IL23R: variants seen among roughly 807,000 people sequenced by gnomAD.
IL23R encodes the protein interleukin 23 receptor.
In IL23R, 34 loss-of-function variants were observed where a neutral mutation model predicts 56.9. That is an observed-to-expected ratio of 0.60 (90% CI 0.45 to 0.80). The LOEUF is 0.80. IL23R is among the 30% of genes least tolerant of loss of function. The pLI is 0.00. For missense variants in IL23R, 635 were observed against 730.0 expected (o/e 0.87, Z 1.50); for synonymous variants, 230 against 249.2 (o/e 0.92, Z 0.73).
At chr1:67,199,345 C>A (rs61780313) in intron 4 of IL23R, among the ~76,000 whole-genome samples, 5 of 152,100 alleles carry the variant, frequency 3.3e-5, no homozygotes, top group Non-Finnish European at 5.9e-5. Context: ...TACCCCATTG[C>A]GATCTCTCAC....
In IL23R at chr1:67,259,324, T is replaced by A; in HGVS notation, c.*196T>A. The A allele has an allele frequency of 3.4e-6, 2 of 595,910 alleles. No homozygotes were observed. Among genetic ancestry groups the A allele is most frequent in the Non-Finnish European group, 5.9e-6 (2 of 337,082 alleles). The allele number at this position is 595,910 out of a possible 1,614,324, so 36.9% of individuals were successfully genotyped here. A position where few individuals can be genotyped will look rare whatever the true frequency, so the allele number is the denominator to read the frequency against. On this transcript the variant is annotated 3_prime_UTR_variant, in exon 11 of 11. Coordinates refer to ENST00000347310, the MANE Select transcript of IL23R (RefSeq NM_144701.3). Reference sequence around the variant, plus strand: ...GCTGGGCCATATGATAAGCATATGTTTCAGTTCTACCAATCTTGTTTCCAG... The same window carrying A: ...GCTGGGCCATATGATAAGCATATGTATCAGTTCTACCAATCTTGTTTCCAG...
chr1:67,218,324 ATATGTG>A (rs374885893), intron 6 of IL23R, among the ~76,000 whole-genome samples: 107 of 120,342 alleles, frequency 8.9e-4, no homozygotes, highest in South Asian at 2.2e-3. Context: ...ACATATATGC[ATATGTG>A]TGTGTGTGTG....
intron 7 of IL23R, among the ~76,000 whole-genome samples, chr1:67,235,979 T>A (rs142091947): frequency 6.6e-6 from 1 of 152,326 alleles, no homozygotes; most frequent in East Asian, 1.9e-4. Context: ...GGGAGAATTG[T>A]GTCCTTGAAG....
intron 7 of IL23R, among the ~76,000 whole-genome samples, chr1:67,226,350 T>G (rs182430596): frequency 4.6e-5 from 7 of 151,588 alleles, no homozygotes; most frequent in Non-Finnish European, 1.0e-4. Flanking sequence ...AATGTGGGGG[T>G]TTTATTGAGT....
At chr1:67,160,029 A>T (rs552855315) in intron 1 of IL23R, among the ~76,000 whole-genome samples, 19 of 152,206 alleles carry the variant, frequency 1.2e-4, no homozygotes, top group African/African-American at 2.9e-4. Context: ...ATTTATTTTT[A>T]AAAAATACAG....
Position 67,236,697 on chromosome 1 carries a change from T to C in IL23R, c.956-16T>C, listed in dbSNP as rs770327531. ...GCAAAATGTAAGAAACTGACACTCT[T>C]TCCTTTTGGTTTAAGTTCCCCAGGT... On this transcript the variant is annotated splice_polypyrimidine_tract_variant and intron_variant, in intron 7 of 10. Transcript: ENST00000347310. 7 of 1,571,800 alleles carry C rather than the reference T, an allele frequency of 4.5e-6. No homozygotes were observed. Among genetic ancestry groups the C allele is most frequent in the Non-Finnish European group, 3.5e-6 (4 of 1,141,490 alleles).
At chr1:67,242,281 C>T (rs954748673) in intron 9 of IL23R, among the ~76,000 whole-genome samples, 1 of 152,180 alleles carries the variant, frequency 6.6e-6, no homozygotes, top group Non-Finnish European at 1.5e-5. Flanking sequence ...AATTTCTCAC[C>T]TGCATTGGGC....
chr1:67,265,752 A>C, the IL23R span, among the ~76,000 whole-genome samples: 3 of 152,098 alleles, frequency 2.0e-5, no homozygotes, highest in East Asian at 3.9e-4. Context: ...AATCATTTAC[A>C]TTTTGCAGCC....
rs1558254073 is a variant in IL23R, at chr1:67,228,018, CTTCCTTTCTTTCT to C, written c.955+8291_955+8303del. 4.3e-4 allele frequency among the ~76,000 whole-genome samples: 30 copies of C among 69,900 alleles called. 4 individuals carry two copies. The highest frequency in any genetic ancestry group is 1.2e-3 in the African/African-American group (21 of 17,122). 45.9% of individuals were successfully genotyped at this position (69,900 alleles called of 152,430 possible). ...TCTTTCTTTCTTTCTTTCTTTCTTT[CTTCCTTTCTTTCT>C]TTTCTTTCTTTCTCTTTCTTTCTTT... On this transcript the variant is annotated intron_variant, in intron 7 of 10. Transcript: ENST00000347310.
At chr1:67,248,561 G>A (rs894045882) in intron 9 of IL23R, among the ~76,000 whole-genome samples, 1 of 152,070 alleles carries the variant, frequency 6.6e-6, no homozygotes. Context: ...AGAACATGCT[G>A]CTTTAACTCA....
chr1:67,185,501 G>C (rs1647276368), intron 4 of IL23R, among the ~76,000 whole-genome samples: 1 of 152,026 alleles, frequency 6.6e-6, no homozygotes, highest in African/African-American at 2.4e-5. Flanking sequence ...GAGTGCAGTG[G>C]CACAATCTCA....
intron 6 of IL23R, among the ~76,000 whole-genome samples, chr1:67,212,127 T>A (rs1649520878): frequency 1.3e-5 from 2 of 152,198 alleles, no homozygotes; most frequent in African/African-American, 4.8e-5. Flanking sequence ...ACCATTATTT[T>A]TTTCAGAAAG....
intron 1 of IL23R, among the ~76,000 whole-genome samples, chr1:67,160,666 G>T (rs1237881902): frequency 6.6e-6 from 1 of 152,114 alleles, no homozygotes; most frequent in East Asian, 1.9e-4. Flanking sequence ...TTGATCATGT[G>T]AACTCTATTC....
At chr1:67,239,358 G>C (rs111415660) in intron 8 of IL23R, among the ~76,000 whole-genome samples, 3,407 of 152,284 alleles carry the variant, frequency 0.022, 120 homozygotes, top group African/African-American at 0.077. Context: ...CCACCTCCCA[G>C]GCTCAAGCCA....
At chr1:67,241,042 C>G (rs1651814542) in intron 9 of IL23R, among the ~76,000 whole-genome samples, 2 of 152,188 alleles carry the variant, frequency 1.3e-5, no homozygotes, top group African/African-American at 4.8e-5. Context: ...TCTTGTCTGC[C>G]TATTAGGCTA....
At chr1:67,177,684 G>C (rs553543329) in intron 3 of IL23R, among the ~76,000 whole-genome samples, 79 of 151,378 alleles carry the variant, frequency 5.2e-4, no homozygotes, top group Middle Eastern at 6.8e-3. Context: ...TCATCATGAA[G>C]TCTTTGCCCA....
Position 67,259,027 on chromosome 1 carries a change from T to C in IL23R, c.1789T>C (p.Cys597Arg). ...CCTGCTTCCTGATGAATTTGTCTCC[T>C]GTTTGGGGATCGTGAATGAGGAGTT... ...QTLLPDEFVSCLGIVNEELPS... is the reference protein window; with the variant it reads ...QTLLPDEFVSRLGIVNEELPS... The change falls in exon 11 of 11, where the codon TGT becomes CGT. Residue 597 changes from cysteine (C) to arginine (R), a missense_variant. Coordinates refer to ENST00000347310, the MANE Select transcript of IL23R (RefSeq NM_144701.3). The C allele has an allele frequency of 6.2e-7, 1 of 1,614,070 alleles. No individual in the cohort carries two copies. Among genetic ancestry groups the C allele is most frequent in the Non-Finnish European group, 8.5e-7 (1 of 1,179,976 alleles).
intron 3 of IL23R, among the ~76,000 whole-genome samples, chr1:67,180,737 C>T (rs886566197): frequency 9.9e-5 from 15 of 152,112 alleles, no homozygotes; most frequent in African/African-American, 1.4e-4. Context: ...CAATTTGGCA[C>T]GTTTTTGCAG....
At chr1:67,141,494 A>G (rs1307916929) in intron 1 of IL23R, among the ~76,000 whole-genome samples, 2 of 152,136 alleles carry the variant, frequency 1.3e-5, no homozygotes, top group Admixed American at 6.5e-5. Context: ...CCAGGGACTC[A>G]TGTCTATAAT....
Sources: allele counts gnomAD v4.1 joint callset (sites outside exome capture counted in the v4.1 genomes callset), GRCh38; gene constraint gnomAD v4.1.1; transcripts MANE v1.5; gene names NCBI Gene and HGNC (gene_info 2026-07-23, HGNC 2026-07-21).